The following EP400 variants were observed in gnomAD, a reference collection of about 807,000 sequenced individuals.
EP400 encodes the protein E1A binding protein p400.
EP400 carries 105 observed loss-of-function variants against 354.1 expected under a neutral mutation model. The ratio of observed to expected loss-of-function variants is 0.30; its 90% CI spans 0.25 to 0.35. The LOEUF (loss-of-function observed/expected upper bound fraction) is 0.35, where lower values mean the gene tolerates loss of function less well. EP400 is among the 10% of genes least tolerant of loss of function. EP400 has a pLI of 1.00. For synonymous variants in EP400, 1,646 were observed against 1,716.9 expected, an observed-to-expected ratio of 0.96 and a Z score of 1.02; for missense variants, 3,280 against 4,121.0, an observed-to-expected ratio of 0.80 and a Z score of 5.59.
intron 23 of EP400, among the ~76,000 whole-genome samples, chr12:132,022,002 G>C (rs1325975779): frequency 6.6e-6 from 1 of 152,186 alleles, no homozygotes; most frequent in Admixed American, 6.5e-5. Context: ...TCCTTTTGTT[G>C]TTGGTATAGC....
intron 12 of EP400, among the ~76,000 whole-genome samples, chr12:131,995,872 G>A (rs1893194421): frequency 6.7e-6 from 1 of 149,992 alleles, no homozygotes. Flanking sequence ...TCATACGAAC[G>A]AATCCCACCA....
intron 12 of EP400, among the ~76,000 whole-genome samples, chr12:131,999,910 C>T (rs1893349061): frequency 6.6e-6 from 1 of 151,228 alleles, no homozygotes; most frequent in African/African-American, 2.4e-5. Flanking sequence ...TATGTATGTC[C>T]CTTCTTTCTC....
At chr12:132,058,754 T>TA (rs1480968192) in intron 45 of EP400, among the ~76,000 whole-genome samples, 1 of 151,888 alleles carries the variant, frequency 6.6e-6, no homozygotes, top group Non-Finnish European at 1.5e-5. Flanking sequence ...TAGAATTGAT[T>TA]AGAGTAGAAG....
rs750383093 is a variant in EP400 at position 132,013,908 on chromosome 12, A to T, written c.3918A>T (p.Gln1306His). 1 of 1,614,082 alleles carries T rather than the reference A, an allele frequency of 6.2e-7. No individual in the cohort carries two copies. The highest frequency in any genetic ancestry group is 8.5e-7 in the Non-Finnish European group (1 of 1,180,028). Residue 1306 changes from glutamine to histidine, a missense_variant, in exon 19 of 53, where the codon CAA becomes CAT. Coordinates refer to ENST00000389561, the MANE Select transcript of EP400 (RefSeq NM_015409.5). This position sits in a 1 kb window ranked among gnomAD's most constrained non-coding sequence, Gnocchi z 4.5. ...CCTTATACGAGGACGTTATCCTGCA[A>T]CCTGGGTGAGTGTGGGCTCTGGGCA... ...QKALYEDVIL[Q>H]PGTQEALKSG...
rs1442027252 is a variant in EP400, at chr12:132,006,802, A to G, written c.3229A>G (p.Ile1077Val). ...ACTTTACAGGAAGAATCTCAATGGC[A>G]TATTGGCAGATGAAGCTGGGCTGGG... ...AKLYRKNLNG[I>V]LADEAGLGKT... is the part of the protein sequence containing the mutation. The change falls in exon 15 of 53, where the codon ATA becomes GTA. Residue 1077 changes from isoleucine to valine, a missense_variant. Ile to Val is a conservative substitution (Grantham distance 29, BLOSUM62 3). Transcript: ENST00000389561. 3.1e-6 allele frequency: 5 copies of G among 1,614,072 alleles called. No individual in the cohort carries two copies. The highest frequency in any genetic ancestry group is 2.7e-5 in the African/African-American group (2 of 74,932).
At chr12:132,006,623 G>A (rs1410774073) in intron 14 of EP400, 77 bp from the exon 15 acceptor site, 47 of 1,402,776 alleles carry the variant, frequency 3.4e-5, no homozygotes, top group Non-Finnish European at 4.4e-5. Flanking sequence ...TCATGTGACT[G>A]TTGATTTCAG....
intron 13 of EP400, among the ~76,000 whole-genome samples, chr12:132,005,659 G>A (rs1393191372): frequency 6.6e-6 from 1 of 152,174 alleles, no homozygotes. Context: ...GGGAGGTCAG[G>A]CCTTACCAGA....
chr12:132,065,115 G>C, intron 48 of EP400: 1 of 780,184 alleles, frequency 1.3e-6, no homozygotes, highest in South Asian at 1.9e-5. Flanking sequence ...GCTTCTCAGG[G>C]CTTGAATTGA....
intron 52 of EP400, 99 bp downstream of exon 52, chr12:132,076,692 G>C (rs769817855): frequency 2.8e-6 from 3 of 1,082,816 alleles, no homozygotes; most frequent in Non-Finnish European, 4.0e-6. Context: ...TTTGATTTTT[G>C]TGATACACAC....
rs779154408 is a variant in EP400 at position 132,029,929 on chromosome 12, C to G, written c.5584+26C>G. 7 of 1,611,042 alleles carry G rather than the reference C, an allele frequency of 4.3e-6. No homozygotes were observed. The highest frequency in any genetic ancestry group is 5.9e-6 in the Non-Finnish European group (7 of 1,179,240). On this transcript the variant is annotated intron_variant, in intron 28 of 52. Transcript: ENST00000389561. This position sits in a 1 kb window ranked among gnomAD's most constrained non-coding sequence, Gnocchi z 4.7. ...GTATGCGGCAGTTGGGGGCGTGGCC[C>G]GTGCGGGAGCTGCACCGGCCCTGGA...
chr12:131,966,918 A>C (rs529750005), intron 2 of EP400, among the ~76,000 whole-genome samples: 11 of 149,176 alleles, frequency 7.4e-5, no homozygotes, highest in African/African-American at 2.3e-4. Flanking sequence ...AAAAAAAAAA[A>C]AAAAAAACCT....
chr12:132,027,607 G>A lies in EP400; in HGVS notation c.5109+76G>A. ...AGAGCTGCTCGTTGTGTTTGGTTGT[G>A]ATATTTAAAGGCTCCTGTGAATTCT... On this transcript the variant is annotated intron_variant, in intron 26 of 52. Transcript: ENST00000389561. The surrounding 1 kb of genome is among the most constrained non-coding windows in gnomAD (Gnocchi z 4.9). 1 of 1,201,450 alleles carries A rather than the reference G, an allele frequency of 8.3e-7. No homozygotes were observed. The allele number at this position is 1,201,450 out of a possible 1,614,324, so 74.4% of individuals were successfully genotyped here.
chr12:132,006,988 C>G, intron 15 of EP400, 111 bp downstream of exon 15: 6 of 1,237,702 alleles, frequency 4.8e-6, no homozygotes, highest in African/African-American at 1.5e-5. Context: ...TTCTTTGCTC[C>G]TATCTGTTGA....
intron 15 of EP400, among the ~76,000 whole-genome samples, chr12:132,011,197 C>T (rs1020432878): frequency 2.0e-5 from 3 of 152,108 alleles, no homozygotes; most frequent in African/African-American, 7.2e-5. Flanking sequence ...GAGGGGTTTT[C>T]TGTGGTTTGA....
chr12:131,988,655 C>A (rs765180763), intron 7 of EP400, among the ~76,000 whole-genome samples: 15 of 152,228 alleles, frequency 9.9e-5, no homozygotes, highest in South Asian at 6.2e-4. Flanking sequence ...ACTGCTAACA[C>A]TAGAAAAGTG....
chr12:132,026,706 A>T (rs75894629), intron 25 of EP400, among the ~76,000 whole-genome samples: 11 of 152,106 alleles, frequency 7.2e-5, no homozygotes, highest in African/African-American at 2.7e-4. Flanking sequence ...CCCAGTACCA[A>T]CTGGAGTCCT....
At position 132,027,982 on chromosome 12, in the gene EP400, C is replaced by T; in HGVS notation, c.5110-35C>T. ...AAGACAGGAACTTGTCATTCTGTTT[C>T]TCAAGTAACTGTTTTTCATCACTTT... On this transcript the variant is annotated intron_variant, in intron 26 of 52. Coordinates refer to ENST00000389561, the MANE Select transcript of EP400 (RefSeq NM_015409.5). The surrounding 1 kb of genome is among the most constrained non-coding windows in gnomAD (Gnocchi z 4.9). The T allele has an allele frequency of 6.2e-7, 1 of 1,600,354 alleles. No individual in the cohort carries two copies. Among genetic ancestry groups the T allele is most frequent in the Non-Finnish European group, 8.5e-7 (1 of 1,170,186 alleles).
chr12:132,005,885 C>A (rs939506803), intron 13 of EP400, among the ~76,000 whole-genome samples: 1 of 152,176 alleles, frequency 6.6e-6, no homozygotes, highest in East Asian at 1.9e-4. Flanking sequence ...AAATTATACT[C>A]TTGGAGGGCT....
intron 7 of EP400, among the ~76,000 whole-genome samples, chr12:131,988,923 G>T (rs1443335234): frequency 6.6e-6 from 1 of 152,226 alleles, no homozygotes; most frequent in Non-Finnish European, 1.5e-5. Flanking sequence ...GAGAAGCTGA[G>T]ACCACAGGGT....
Sources: gnomAD v4.1 joint callset for allele counts (sites outside exome capture counted in the v4.1 genomes callset) on GRCh38, gnomAD v4.1.1 for gene constraint, Gnocchi (gnomAD v3.1) non-coding constraint, MANE v1.5 for transcripts, NCBI Gene and HGNC (gene_info 2026-07-23, HGNC 2026-07-21) for gene names.